PPP2R5C: variants seen among roughly 807,000 people sequenced by gnomAD.
PPP2R5C encodes the protein serine/threonine-protein phosphatase 2A 56 kDa regulatory subunit gamma isoform.
A neutral mutation model predicts 68.9 loss-of-function variants in PPP2R5C; 7 were observed. The observed-to-expected ratio is 0.10, with a 90% CI of 0.06 to 0.19. PPP2R5C has a LOEUF of 0.19. Among genes scored for constraint, PPP2R5C ranks in the 10% least tolerant of loss-of-function variants. The pLI is 1.00. For synonymous variants in PPP2R5C, 210 were observed against 222.2 expected, an observed-to-expected ratio of 0.95 and a Z score of 0.49; for missense variants, 348 against 641.3, an observed-to-expected ratio of 0.54 and a Z score of 4.94.
At position 101,764,711 on chromosome 14, in the gene PPP2R5C, CTTGT is replaced by C. The variant is rs528999836; in HGVS notation, c.93+1744_93+1747del. 2.0e-4 allele frequency among the ~76,000 whole-genome samples: 31 copies of C among 151,700 alleles called. No homozygotes were observed. In the South Asian group the frequency reaches 5.4e-3, roughly 27 times the overall value. ...TTTACTGTGCCATGCTGGGATTTGA[CTTGT>C]TTCTTTCTTCCCTGTCACCCTTTTG... On this transcript the variant is annotated intron_variant, in intron 2 of 14. Coordinates refer to the PPP2R5C transcript ENST00000328724.
chr14:101,865,596 A>C (rs937848718), intron 2 of PPP2R5C, among the ~76,000 whole-genome samples: 2 of 152,208 alleles, frequency 1.3e-5, no homozygotes, highest in East Asian at 1.9e-4. Context: ...TCTGTACCCA[A>C]CTTTAATCTG....
rs1452163090 is a variant in PPP2R5C at position 101,825,215 on chromosome 14, T to C, written c.94+15179T>C. ...ATAGGATAAGAGGGTTTTCAGCGTGTGTGTGTGTGTGTGTGTGTGTGTGTG... is the reference window on the plus strand; with the variant it reads ...ATAGGATAAGAGGGTTTTCAGCGTGCGTGTGTGTGTGTGTGTGTGTGTGTG... On this transcript the variant is annotated intron_variant, in intron 1 of 13. Transcript: ENST00000334743. This position sits in a 1 kb window ranked among gnomAD's most constrained non-coding sequence, Gnocchi z 4.0. Among the ~76,000 whole-genome samples the C allele has an allele frequency of 1.5e-5, 2 of 136,116 alleles. No individual in the cohort carries two copies. The highest frequency in any genetic ancestry group is 3.2e-5 in the Non-Finnish European group (2 of 61,696). The allele number at this position is 136,116 out of a possible 152,430, so 89.3% of individuals were successfully genotyped here. A position where few individuals can be genotyped will look rare whatever the true frequency, so the allele number is the denominator to read the frequency against.
chr14:101,832,379 C>T (rs2040803356), intron 1 of PPP2R5C, among the ~76,000 whole-genome samples: 1 of 152,096 alleles, frequency 6.6e-6, no homozygotes. Flanking sequence ...ATATAATTAG[C>T]ACATCAAATC....
At chr14:101,785,929 G>A (rs1209889889) in intron 2 of PPP2R5C, 89 bp from the exon 3 acceptor site, 2 of 1,232,642 alleles carry the variant, frequency 1.6e-6, no homozygotes, top group African/African-American at 1.6e-5. Context: ...CCCAGAGTAA[G>A]ACTCATGTAT....
chr14:101,800,400 A>G (rs2038808546), intron 3 of PPP2R5C, among the ~76,000 whole-genome samples: 1 of 151,982 alleles, frequency 6.6e-6, no homozygotes, highest in South Asian at 2.1e-4. Context: ...CGTGTCTACT[A>G]AAAGTTCAAA....
chr14:101,801,507 T>C (rs967008050), intron 3 of PPP2R5C, among the ~76,000 whole-genome samples: 45 of 152,230 alleles, frequency 3.0e-4, no homozygotes, highest in African/African-American at 9.6e-4. Flanking sequence ...CTGATGGATA[T>C]GTAATATTTC....
intron 1 of PPP2R5C, among the ~76,000 whole-genome samples, chr14:101,832,867 A>G (rs989246172): frequency 6.6e-6 from 1 of 152,222 alleles, no homozygotes; most frequent in Non-Finnish European, 1.5e-5. Context: ...ACTCAGTAAC[A>G]TAATACAGTT....
At chr14:101,763,773 T>C (rs1420025116) in intron 2 of PPP2R5C, among the ~76,000 whole-genome samples, 1 of 152,222 alleles carries the variant, frequency 6.6e-6, no homozygotes, top group African/African-American at 2.4e-5. Flanking sequence ...TGTTGCTATG[T>C]TGCTTTTAGC....
At chr14:101,863,852 C>T (rs1033003716) in intron 2 of PPP2R5C, among the ~76,000 whole-genome samples, 2 of 151,978 alleles carry the variant, frequency 1.3e-5, no homozygotes, top group African/African-American at 2.4e-5. Context: ...GAGCCAAGAT[C>T]GCACCACTGC....
intron 2 of PPP2R5C, among the ~76,000 whole-genome samples, chr14:101,865,739 C>T (rs12889084): frequency 0.061 from 9,275 of 152,206 alleles, 383 homozygotes; most frequent in Middle Eastern, 0.14. Context: ...GCTTGGGCAG[C>T]CCCCGTGACA....
intron 1 of PPP2R5C, chr14:101,818,340 T>C (rs1322882207): frequency 2.6e-5 from 4 of 152,162 alleles, no homozygotes; most frequent in Non-Finnish European, 4.4e-5. Flanking sequence ...AAATTTCATC[T>C]TTAAAAGTTG....
At chr14:101,777,115 G>A (rs1431679556) in intron 2 of PPP2R5C, among the ~76,000 whole-genome samples, 5 of 151,636 alleles carry the variant, frequency 3.3e-5, no homozygotes, top group Non-Finnish European at 7.4e-5. Flanking sequence ...TCCTGACCTC[G>A]TGATCCGCCC....
At chr14:101,785,379 C>G (rs2038044377) in intron 2 of PPP2R5C, among the ~76,000 whole-genome samples, 1 of 152,196 alleles carries the variant, frequency 6.6e-6, no homozygotes, top group Non-Finnish European at 1.5e-5. Flanking sequence ...AAGGTGTCAG[C>G]AGGGTCGTGA....
At position 101,917,276 on chromosome 14, in the gene PPP2R5C, C is replaced by T. The variant is rs886656396; in HGVS notation, c.1327-555C>T. 1.3e-5 allele frequency among the ~76,000 whole-genome samples: 2 copies of T among 151,960 alleles called. No homozygotes were observed. Among genetic ancestry groups the T allele is most frequent in the Non-Finnish European group, 2.9e-5 (2 of 68,006 alleles). ...GGGAGCGTCAGGCTCACCCAGGCTG[C>T]GTTTGTTTTGGTGGAGAGCAAGTCA... is the stretch of plus-strand genomic sequence containing the variant. On this transcript the variant is annotated intron_variant, in intron 12 of 13. Transcript: ENST00000334743. The surrounding 1 kb of genome is among the most constrained non-coding windows in gnomAD (Gnocchi z 4.4).
chr14:101,867,077 C>T (rs1381105591), intron 2 of PPP2R5C, among the ~76,000 whole-genome samples: 2 of 151,768 alleles, frequency 1.3e-5, no homozygotes, highest in African/African-American at 2.4e-5. Flanking sequence ...ATTAGCCAGG[C>T]GTGGTGGCGC....
rs2045534455 is a variant in PPP2R5C at position 101,899,147 on chromosome 14, G to A, written c.853-2572G>A. 6.6e-6 allele frequency among the ~76,000 whole-genome samples: 1 copy of A among 152,234 alleles called. No homozygotes were observed. Among genetic ancestry groups the A allele is most frequent in the Non-Finnish European group, 1.5e-5 (1 of 68,032 alleles). ...GTGCTCAAAAGCTTTCTGGGCACAT[G>A]AAACACTTTCTCTGTTGGAAGAATA... On this transcript the variant is annotated intron_variant, in intron 8 of 13. Transcript: ENST00000334743. This position sits in a 1 kb window ranked among gnomAD's most constrained non-coding sequence, Gnocchi z 4.2.
exon 1 of PPP2R5C, chr14:101,809,950 C>T: frequency 6.2e-7 from 1 of 1,613,752 alleles, no homozygotes; most frequent in Non-Finnish European, 8.5e-7. Context: ...TAGATGTTGA[C>T]ATGTAATAAA....
At chr14:101,808,849 G>C (rs1192135246), upstream of PPP2R5C, among the ~76,000 whole-genome samples, 1 of 152,072 alleles carries the variant, frequency 6.6e-6, no homozygotes, top group Non-Finnish European at 1.5e-5. Flanking sequence ...TTTTCATTTG[G>C]AACTACTAAT....
intron 8 of PPP2R5C, among the ~76,000 whole-genome samples, chr14:101,898,091 T>A (rs2045464804): frequency 6.6e-6 from 1 of 151,588 alleles, no homozygotes; most frequent in South Asian, 2.1e-4. Flanking sequence ...GCCCAGGGGG[T>A]CAAGGCTGCA....
Sources: allele counts gnomAD v4.1 joint callset (sites outside exome capture counted in the v4.1 genomes callset), GRCh38; gene constraint gnomAD v4.1.1; non-coding constraint Gnocchi (gnomAD v3.1); transcripts MANE v1.5; gene names NCBI Gene and HGNC (gene_info 2026-07-23, HGNC 2026-07-21).